Variants in CSNK2A2 observed in about 807,000 individuals in gnomAD.
The protein encoded by CSNK2A2 is casein kinase II subunit alpha'.
In CSNK2A2, 8 loss-of-function variants were observed where a neutral mutation model predicts 54.0. The ratio of observed to expected loss-of-function variants is 0.15; its 90% CI spans 0.09 to 0.27. The LOEUF (loss-of-function observed/expected upper bound fraction) is 0.27, where lower values mean the gene tolerates loss of function less well. Ranked by LOEUF, CSNK2A2 falls within the 10% of genes least tolerant of loss-of-function variation. The probability of loss-of-function intolerance (pLI) is 1.00; values close to 1 mark genes in which losing one functional copy is unlikely to be tolerated. For synonymous variants in CSNK2A2, 141 were observed against 153.9 expected (o/e 0.92, Z 0.62); for missense variants, 242 against 439.4 (o/e 0.55, Z 4.02).
intron 2 of CSNK2A2, among the ~76,000 whole-genome samples, chr16:58,195,767 G>A (rs184772608): frequency 1.1e-3 from 175 of 152,250 alleles, no homozygotes; most frequent in African/African-American, 3.9e-3. Flanking sequence ...AAGAGATAAC[G>A]TCATATCATT....
rs755276523 is a variant in CSNK2A2, at chr16:58,164,093, C to G, written c.1031G>C (p.Ser344Thr). ...TCTTCATCGTGCTGCCGTGAGACCA[C>G]TGGAAAGCACAGCATTGTCTGCACA... ...QPCADNAVLS[S>T]GLTAAR The change falls in exon 11 of 12, where the codon AGT becomes ACT. Residue 344 changes from serine to threonine, a missense_variant. Ser to Thr is a moderately conservative substitution (Grantham distance 58). Transcript: ENST00000262506. The G allele has an allele frequency of 1.2e-6, 2 of 1,613,858 alleles. No homozygotes were observed. The highest frequency in any genetic ancestry group is 2.2e-5 in the South Asian group (2 of 90,976).
At chr16:58,188,173 T>C (rs776296363) in intron 2 of CSNK2A2, among the ~76,000 whole-genome samples, 3 of 152,140 alleles carry the variant, frequency 2.0e-5, no homozygotes, top group Admixed American at 6.5e-5. Flanking sequence ...ACAAGAGCAC[T>C]TGCATCACCT....
chr16:58,197,626 G>A lies in CSNK2A2; in HGVS notation c.104+7C>T, dbSNP rs1962505182. 4 of 1,557,082 alleles carry A rather than the reference G, an allele frequency of 2.6e-6. No homozygotes were observed. The highest frequency in any genetic ancestry group is 2.6e-6 in the Non-Finnish European group (3 of 1,152,542). On this transcript the variant is annotated splice_region_variant and intron_variant, in intron 1 of 11. Transcript: ENST00000262506. This position sits in a 1 kb window ranked among gnomAD's most constrained non-coding sequence, Gnocchi z 4.0. ...GCGGGCCCGGCGGGGGGCGGCGACG[G>A]CTTTACCCCCAGCTCGGGACGTGAG...
At chr16:58,184,353 A>G (rs748284894) in intron 3 of CSNK2A2, 43 bp from the exon 4 acceptor site, 20 of 1,412,826 alleles carry the variant, frequency 1.4e-5, no homozygotes, top group Non-Finnish European at 1.8e-5. Flanking sequence ...CCCAAACAAT[A>G]ATCAATGTAA....
intron 4 of CSNK2A2, among the ~76,000 whole-genome samples, chr16:58,182,460 C>A (rs1219079407): frequency 7.6e-6 from 1 of 131,710 alleles, no homozygotes; most frequent in Non-Finnish European, 1.5e-5. Context: ...GAGGCTGAAG[C>A]AGGAGAATTG....
chr16:58,166,776 C>T, intron 8 of CSNK2A2, 92 bp from the exon 9 acceptor site: 4 of 861,558 alleles, frequency 4.6e-6, no homozygotes, highest in Admixed American at 1.8e-5. Flanking sequence ...AAGACTTCCA[C>T]ACCACTAAAC....
intron 4 of CSNK2A2, among the ~76,000 whole-genome samples, chr16:58,183,377 CA>C (rs397957932): frequency 3.5e-3 from 438 of 124,170 alleles, no homozygotes; most frequent in East Asian, 0.013. Flanking sequence ...AACTCGATCT[CA>C]AAAAAAAAAA....
intron 4 of CSNK2A2, among the ~76,000 whole-genome samples, chr16:58,179,084 A>G (rs1335186896): frequency 6.6e-6 from 1 of 152,222 alleles, no homozygotes; most frequent in Non-Finnish European, 1.5e-5. Context: ...TTGGTATACT[A>G]AAAGTATTGT....
At chr16:58,196,890 C>T (rs952281491) in intron 1 of CSNK2A2, 46 bp from the exon 2 acceptor site, 22 of 1,206,430 alleles carry the variant, frequency 1.8e-5, no homozygotes, top group African/African-American at 3.0e-5. Context: ...TGGGGGTTAA[C>T]CAAGCCTATG....
chr16:58,186,820 T>C lies in CSNK2A2; in HGVS notation c.253A>G (p.Ile85Val), dbSNP rs1395549018. The change falls in exon 3 of 12, where the codon ATT (isoleucine) becomes GTT (valine). Residue 85 changes from isoleucine to valine, a missense_variant. Coordinates refer to ENST00000262506, the MANE Select transcript of CSNK2A2 (RefSeq NM_001896.4). ...KKKKIKREVK[I>V]LENLRGGTNI... is the part of the protein sequence containing the mutation. The stretch of plus-strand genomic sequence containing the variant: ...GTTCCACCACGAAGGTTCTCCAGAA[T>C]CTTAACCTCTCGTTTTATCTTCTTT... 6.2e-7 allele frequency: 1 copy of C among 1,614,146 alleles called. No individual in the cohort carries two copies.
intron 5 of CSNK2A2, among the ~76,000 whole-genome samples, chr16:58,171,628 G>A (rs976891874): frequency 3.9e-5 from 6 of 151,940 alleles, no homozygotes; most frequent in African/African-American, 1.2e-4. Context: ...AGAGAGCCCT[G>A]CAGGATGTTC....
intron 2 of CSNK2A2, among the ~76,000 whole-genome samples, chr16:58,189,259 G>A (rs1489309252): frequency 6.6e-6 from 1 of 152,116 alleles, no homozygotes; most frequent in Non-Finnish European, 1.5e-5. Context: ...CCCGGCCAAA[G>A]CTGGCTATCT....
intron 6 of CSNK2A2, among the ~76,000 whole-genome samples, 179 bp from the exon 7 acceptor site, chr16:58,167,974 A>G (rs760180930): frequency 6.6e-6 from 1 of 152,190 alleles, no homozygotes; most frequent in Non-Finnish European, 1.5e-5. Context: ...AGAGCAGAAC[A>G]CTTGAAATGC....
In CSNK2A2 at chr16:58,164,051, T is replaced by C; in HGVS notation, c.*17+3A>G. On this transcript the variant is annotated splice_donor_region_variant and intron_variant, in intron 11 of 11. Coordinates refer to ENST00000262506, the MANE Select transcript of CSNK2A2 (RefSeq NM_001896.4). ...TTATTGGCAAGCATCAATGCCGCAT[T>C]ACCCGTCGCTTTCCAGTCTTCATCG... is the stretch of plus-strand genomic sequence containing the variant. 2 of 1,609,200 alleles carry C rather than the reference T, an allele frequency of 1.2e-6. No homozygotes were observed. Among genetic ancestry groups the C allele is most frequent in the Non-Finnish European group, 1.7e-6 (2 of 1,176,526 alleles).
chr16:58,162,954 C>G (rs1417440875), intron 11 of CSNK2A2: 1 of 152,160 alleles, frequency 6.6e-6, no homozygotes, highest in East Asian at 1.9e-4. Context: ...ACAGACTTAT[C>G]TTTGCCATCA....
At chr16:58,176,553 T>G (rs1961884605) in intron 4 of CSNK2A2, among the ~76,000 whole-genome samples, 1 of 152,168 alleles carries the variant, frequency 6.6e-6, no homozygotes, top group Non-Finnish European at 1.5e-5. Flanking sequence ...TTCAAGACTA[T>G]GCAGGGTCCA....
rs79879862 is a variant in CSNK2A2, at chr16:58,179,046, G to A, written c.370-4536C>T. 3.1e-4 allele frequency among the ~76,000 whole-genome samples: 47 copies of A among 152,208 alleles called. No homozygotes were observed. In the East Asian group the frequency reaches 8.5e-3, roughly 27 times the overall value. On this transcript the variant is annotated intron_variant, in intron 4 of 11. Coordinates refer to ENST00000262506, the MANE Select transcript of CSNK2A2 (RefSeq NM_001896.4). ...TTTTGAGTATGAACTTATCTTAGAT[G>A]GCATTATTGTATAAATATTAAATTT...
chr16:58,177,268 G>C (rs1961907183), intron 4 of CSNK2A2, among the ~76,000 whole-genome samples: 1 of 152,226 alleles, frequency 6.6e-6, no homozygotes, highest in Non-Finnish European at 1.5e-5. Flanking sequence ...ATTAGAAAGA[G>C]AAACGTCACA....
At chr16:58,174,137 T>G (rs1211283693) in intron 5 of CSNK2A2, 1 of 206,512 alleles carries the variant, frequency 4.8e-6, no homozygotes, top group African/African-American at 2.3e-5. Flanking sequence ...GTCATTAAGT[T>G]TGGGATGATT....
Sources: allele counts gnomAD v4.1 joint callset (sites outside exome capture counted in the v4.1 genomes callset), GRCh38; gene constraint gnomAD v4.1.1; non-coding constraint Gnocchi (gnomAD v3.1); transcripts MANE v1.5; gene names NCBI Gene and HGNC (gene_info 2026-07-23, HGNC 2026-07-21).